VIPR2: variants seen among roughly 807,000 people sequenced by gnomAD.
VIPR2 encodes vasoactive intestinal peptide receptor 2, also known as vasoactive intestinal polypeptide receptor 2.
Under a neutral mutation model 58.0 loss-of-function variants are expected in VIPR2, and 48 were observed. That is an observed-to-expected ratio of 0.83 (90% CI 0.66 to 1.05). The LOEUF (loss-of-function observed/expected upper bound fraction) is 1.05. Ranked by LOEUF, VIPR2 falls within the 50% of genes least tolerant of loss-of-function variation. The pLI, the probability that VIPR2 is intolerant of heterozygous loss-of-function variation, is 0.00. For missense variants in VIPR2, 534 were observed against 558.0 expected, an observed-to-expected ratio of 0.96 and a Z score of 0.43; for synonymous variants, 243 against 235.2, an observed-to-expected ratio of 1.03 and a Z score of -0.30.
At chr7:159,139,104 C>T (rs1797350737) in intron 2 of VIPR2, among the ~76,000 whole-genome samples, 1 of 152,212 alleles carries the variant, frequency 6.6e-6, no homozygotes, top group Admixed American at 6.5e-5. Flanking sequence ...CCAGTCCTTG[C>T]TTTAGGAGTT....
chr7:159,126,167 C>T (rs985241455), intron 2 of VIPR2, among the ~76,000 whole-genome samples: 1 of 152,172 alleles, frequency 6.6e-6, no homozygotes, highest in Non-Finnish European at 1.5e-5. Context: ...CTGAAATCTC[C>T]CTGTCAGTGA....
chr7:159,116,312 G>C (rs1796235988), intron 2 of VIPR2, among the ~76,000 whole-genome samples: 1 of 152,216 alleles, frequency 6.6e-6, no homozygotes. Context: ...ACATAACCAG[G>C]AGCAAATCTT....
At chr7:159,111,679 C>CAAA (rs529342001) in intron 2 of VIPR2, among the ~76,000 whole-genome samples, 7 of 142,262 alleles carry the variant, frequency 4.9e-5, no homozygotes, top group Admixed American at 2.8e-4. Context: ...GATTCCGTCT[C>CAAA]AAAAAAAAAA....
At position 159,095,716 on chromosome 7, in the gene VIPR2, C is replaced by A. The variant is rs1365919009; in HGVS notation, c.357+8041G>T. On this transcript the variant is annotated intron_variant, in intron 4 of 12. Transcript: ENST00000262178. This position sits in a 1 kb window ranked among gnomAD's most constrained non-coding sequence, Gnocchi z 5.2. ...GTTATCCAGCCCACGGTGGTCTCCA[C>A]GAGCCCCTGCTCCTGTCCAGGCTCC... Among the ~76,000 whole-genome samples the A allele has an allele frequency of 2.6e-5, 4 of 152,304 alleles. No homozygotes were observed. Among genetic ancestry groups the A allele is most frequent in the Admixed American group, 6.5e-5 (1 of 15,310 alleles).
At chr7:159,055,365 G>A (rs917212416) in intron 5 of VIPR2, among the ~76,000 whole-genome samples, 8 of 152,190 alleles carry the variant, frequency 5.3e-5, no homozygotes, top group African/African-American at 1.4e-4. Flanking sequence ...CCCACATCTC[G>A]ATCTGGTGCT....
At chr7:159,034,966 G>C (rs1321482014) in intron 8 of VIPR2, among the ~76,000 whole-genome samples, 1 of 152,154 alleles carries the variant, frequency 6.6e-6, no homozygotes, top group African/African-American at 2.4e-5. Flanking sequence ...GAAATCAGGA[G>C]AAAAGAACCT....
chr7:159,144,161 A>T, intron 1 of VIPR2: 1 of 772,522 alleles, frequency 1.3e-6, no homozygotes, highest in Non-Finnish European at 1.8e-6. Flanking sequence ...GGAATAATTC[A>T]GAACTCCATG....
At position 159,096,756 on chromosome 7, in the gene VIPR2, G is replaced by C. The variant is rs1585482240; in HGVS notation, c.357+7001C>G. On this transcript the variant is annotated intron_variant, in intron 4 of 12. Coordinates refer to ENST00000262178, the MANE Select transcript of VIPR2 (RefSeq NM_003382.5). The surrounding 1 kb of genome is among the most constrained non-coding windows in gnomAD (Gnocchi z 5.5). ...TGACAGCTGAATGATTTCTGCCTGT[G>C]GCCAGATTTCTGCCCCTGCCTGAGG... 3.6e-6 allele frequency: 5 copies of C among 1,402,038 alleles called. No individual in the cohort carries two copies. The Admixed American group carries it at 1.2e-4, about 33-fold the overall frequency. The allele number at this position is 1,402,038 out of a possible 1,614,324, so 86.8% of individuals were successfully genotyped here.
rs1490989221 is a variant in VIPR2, at chr7:159,127,105, AT to A, written c.151+15340del. 6.6e-6 allele frequency among the ~76,000 whole-genome samples: 1 copy of A among 152,210 alleles called. No individual in the cohort carries two copies. Among genetic ancestry groups the A allele is most frequent in the Non-Finnish European group, 1.5e-5 (1 of 68,044 alleles). ...AAACGTGTTTAGAATGCTGCAGAGG[AT>A]ACTTTACAGCAAGCCGGATTTTCTT... On this transcript the variant is annotated intron_variant, in intron 2 of 12. Transcript: ENST00000262178. This position sits in a 1 kb window ranked among gnomAD's most constrained non-coding sequence, Gnocchi z 4.6.
intron 4 of VIPR2, among the ~76,000 whole-genome samples, chr7:159,076,871 A>C (rs1306289071): frequency 1.3e-5 from 2 of 152,246 alleles, no homozygotes; most frequent in Non-Finnish European, 2.9e-5. Flanking sequence ...TAATACAGAC[A>C]TACAACTTTT....
At chr7:159,102,043 G>T (rs1439303803) in intron 4 of VIPR2, among the ~76,000 whole-genome samples, 7 of 120,978 alleles carry the variant, frequency 5.8e-5, no homozygotes, top group Non-Finnish European at 3.9e-5. Context: ...CTGTGATAGT[G>T]AACGGGTCTC....
chr7:159,110,256 G>A lies in VIPR2; in HGVS notation c.152-337C>T, dbSNP rs562166167. ...GTAAGGCCCCGTCGGGGAGGGAGAC[G>A]CCCAGGGAAAGTGTGCTTGTGCTTC... On this transcript the variant is annotated intron_variant, in intron 2 of 12. Coordinates refer to ENST00000262178, the MANE Select transcript of VIPR2 (RefSeq NM_003382.5). Among the ~76,000 whole-genome samples the A allele has an allele frequency of 3.3e-5, 5 of 152,316 alleles. No homozygotes were observed. The South Asian group carries it at 6.2e-4, about 19-fold the overall frequency.
At chr7:159,140,606 A>G (rs985226252) in intron 2 of VIPR2, among the ~76,000 whole-genome samples, 2 of 152,366 alleles carry the variant, frequency 1.3e-5, no homozygotes, top group African/African-American at 2.4e-5. Flanking sequence ...AGAGCCTTCA[A>G]TATGAGATGT....
intron 5 of VIPR2, among the ~76,000 whole-genome samples, chr7:159,053,134 A>C (rs987405222): frequency 3.3e-5 from 5 of 151,844 alleles, no homozygotes; most frequent in Non-Finnish European, 7.4e-5. Context: ...TTTTCCTTCT[A>C]AGACAGGGTG....
intron 6 of VIPR2, among the ~76,000 whole-genome samples, chr7:159,038,500 C>T (rs761845831): frequency 6.6e-6 from 1 of 152,296 alleles, no homozygotes; most frequent in East Asian, 1.9e-4. Context: ...CATGATAACA[C>T]AGCCATGGAT....
intron 3 of VIPR2, among the ~76,000 whole-genome samples, chr7:159,108,324 C>T (rs544323812): frequency 2.0e-5 from 3 of 152,354 alleles, no homozygotes; most frequent in East Asian, 1.9e-4. Context: ...GAATTCCATG[C>T]GGACATTCCA....
intron 2 of VIPR2, among the ~76,000 whole-genome samples, chr7:159,126,741 C>T (rs1033941287): frequency 1.2e-4 from 19 of 152,178 alleles, no homozygotes; most frequent in Admixed American, 1.0e-3. Context: ...GGCAAGACAC[C>T]GTCCAACCAT....
At chr7:159,114,814 A>AGG (rs1217411424) in intron 2 of VIPR2, among the ~76,000 whole-genome samples, 18 of 131,974 alleles carry the variant, frequency 1.4e-4, no homozygotes, top group African/African-American at 5.0e-4. Flanking sequence ...AAAGAGAGAG[A>AGG]GGGAGAGAGA....
At chr7:159,091,483 A>G (rs950960620) in intron 4 of VIPR2, among the ~76,000 whole-genome samples, 2 of 152,186 alleles carry the variant, frequency 1.3e-5, no homozygotes, top group African/African-American at 4.8e-5. Context: ...GATGAAAGGA[A>G]TTTTTATAAC....
Sources: allele counts gnomAD v4.1 joint callset (sites outside exome capture counted in the v4.1 genomes callset), GRCh38; gene constraint gnomAD v4.1.1; non-coding constraint Gnocchi (gnomAD v3.1); transcripts MANE v1.5; gene names NCBI Gene and HGNC (gene_info 2026-07-23, HGNC 2026-07-21).